The following SSBP4 variants were observed in gnomAD, a reference collection of about 807,000 sequenced individuals.
The protein encoded by SSBP4 is single-stranded DNA-binding protein 4.
A neutral mutation model predicts 64.6 loss-of-function variants in SSBP4; 33 were observed. The ratio of observed to expected loss-of-function variants is 0.51; its 90% CI spans 0.39 to 0.68. The LOEUF (loss-of-function observed/expected upper bound fraction) is 0.68, where lower values mean the gene tolerates loss of function less well. Among genes scored for constraint, SSBP4 ranks in the 30% least tolerant of loss-of-function variants. SSBP4 has a pLI of 0.00. For synonymous variants in SSBP4, 243 were observed against 224.0 expected (o/e 1.08, Z -0.76); for missense variants, 583 against 566.8 (o/e 1.03, Z -0.29).
chr19:18,410,142 C>T, the SSBP4 span, among the ~76,000 whole-genome samples: 7 of 152,302 alleles, frequency 4.6e-5, no homozygotes, highest in African/African-American at 1.4e-4. Flanking sequence ...TACAGGCGCC[C>T]GCCACCACGC....
chr19:18,432,338 C>A, intron 10 of SSBP4, 124 bp downstream of exon 10: 1 of 1,365,484 alleles, frequency 7.3e-7, no homozygotes, highest in South Asian at 1.3e-5. Context: ...TTCATGGCCA[C>A]CGTTGAGGGG....
chr19:18,432,692 G>A lies in SSBP4; in HGVS notation c.751-8G>A, dbSNP rs761206324. The A allele has an allele frequency of 1.8e-5, 28 of 1,569,484 alleles. No individual in the cohort carries two copies. Among genetic ancestry groups the A allele is most frequent in the Non-Finnish European group, 2.4e-5 (28 of 1,153,564 alleles). On this transcript the variant is annotated splice_polypyrimidine_tract_variant and splice_region_variant and intron_variant, in intron 11 of 17. Coordinates refer to ENST00000270061, the MANE Select transcript of SSBP4 (RefSeq NM_032627.5). Reference sequence around the variant, plus strand: ...TGGCTGACTGCTCACAGCTGCCCTTGTCCCCAGATCCCCTACTCCTCCTCA... The same window carrying A: ...TGGCTGACTGCTCACAGCTGCCCTTATCCCCAGATCCCCTACTCCTCCTCA...
chr19:18,421,019 T>C (rs1442547129), intron 1 of SSBP4, among the ~76,000 whole-genome samples: 1 of 151,740 alleles, frequency 6.6e-6, no homozygotes, highest in Admixed American at 6.6e-5. Flanking sequence ...AGGGGTCCCA[T>C]GAGGACCTGC....
At position 18,427,270 on chromosome 19, in the gene SSBP4, C is replaced by T; in HGVS notation, c.60-81C>T. 2 of 1,477,534 alleles carry T rather than the reference C, an allele frequency of 1.4e-6. No individual in the cohort carries two copies. Among genetic ancestry groups the T allele is most frequent in the Non-Finnish European group, 1.8e-6 (2 of 1,081,180 alleles). The allele number at this position is 1,477,534 out of a possible 1,614,324, so 91.5% of individuals were successfully genotyped here. On this transcript the variant is annotated intron_variant, in intron 1 of 17. Coordinates refer to ENST00000270061, the MANE Select transcript of SSBP4 (RefSeq NM_032627.5). The surrounding 1 kb of genome is among the most constrained non-coding windows in gnomAD (Gnocchi z 4.4). ...GGTGGGGAGGCCACCTTTCCACCCG[C>T]CCTCCTGAGAGATGGAGGGGCTTTG...
chr19:18,416,748 C>A (rs1972134354), upstream of SSBP4, among the ~76,000 whole-genome samples: 1 of 152,206 alleles, frequency 6.6e-6, no homozygotes, highest in South Asian at 2.1e-4. Flanking sequence ...ATTCCACTTC[C>A]AGGTCTTTCA....
intron 9 of SSBP4, 27 bp downstream of exon 9, chr19:18,432,097 G>A (rs1295628427): frequency 1.2e-6 from 2 of 1,602,460 alleles, no homozygotes; most frequent in Non-Finnish European, 1.7e-6. Context: ...GGTGGGTGGG[G>A]CCTTCGGGCT....
the SSBP4 span, among the ~76,000 whole-genome samples, chr19:18,403,957 G>A: frequency 1.3e-5 from 2 of 151,976 alleles, no homozygotes; most frequent in Non-Finnish European, 2.9e-5. Context: ...AGCCGTCCCA[G>A]GCTTGAGTCC....
chr19:18,434,045 C>T, intron 17 of SSBP4, 172 bp from the exon 18 acceptor site: 1 of 1,288,294 alleles, frequency 7.8e-7, no homozygotes, highest in Non-Finnish European at 9.8e-7. Flanking sequence ...CCGGGACCCG[C>T]GCCCCAGGGC....
At chr19:18,413,472 C>T in the SSBP4 span, among the ~76,000 whole-genome samples, 122 of 152,238 alleles carry the variant, frequency 8.0e-4, no homozygotes, top group South Asian at 3.7e-3. Context: ...CCTTGGCCTC[C>T]CAAAGTGCTG....
intron 9 of SSBP4, 37 bp from the exon 10 acceptor site, chr19:18,432,109 TC>T: frequency 6.2e-7 from 1 of 1,607,576 alleles, no homozygotes; most frequent in Non-Finnish European, 8.5e-7. Context: ...CTTCGGGCTG[TC>T]CCCGGTCTAC....
upstream of SSBP4, among the ~76,000 whole-genome samples, chr19:18,414,761 CT>C (rs1204110506): frequency 6.6e-6 from 1 of 152,104 alleles, no homozygotes; most frequent in Non-Finnish European, 1.5e-5. Context: ...TCCTGTATCC[CT>C]TCTGTCACCC....
Position 18,431,852 on chromosome 19 carries a change from A to C in SSBP4, c.555A>C (p.Pro185=). The C allele has an allele frequency of 1.9e-6, 3 of 1,572,614 alleles. No individual in the cohort carries two copies. In the South Asian group the frequency reaches 3.5e-5, roughly 18 times the overall value. ...TCCCTGGCGCCATGGAGCCCTCCCC[A>C]CGAGCCCAGGGTGAGTAGGGAAGCT... ...PLLPGAMEPS[P]RAQGHPSMGG... The change falls in exon 8 of 18, where the codon CCA becomes CCC. Residue 185 remains proline, a synonymous_variant. Coordinates refer to ENST00000270061, the MANE Select transcript of SSBP4 (RefSeq NM_032627.5).
upstream of SSBP4, among the ~76,000 whole-genome samples, chr19:18,417,063 C>T (rs576577506): frequency 4.7e-4 from 72 of 152,166 alleles, no homozygotes; most frequent in East Asian, 1.9e-3. The surrounding 1 kb of genome is among the most constrained non-coding windows in gnomAD (Gnocchi z 5.4). Flanking sequence ...CTCAGCCTCC[C>T]TCCCTCCTTC....
chr19:18,404,746 G>C, the SSBP4 span, among the ~76,000 whole-genome samples: 1 of 151,322 alleles, frequency 6.6e-6, no homozygotes, highest in South Asian at 2.1e-4. Flanking sequence ...CAAAAAATTA[G>C]CTGGGCGTGG....
chr19:18,403,547 G>A, the SSBP4 span, among the ~76,000 whole-genome samples: 1 of 152,024 alleles, frequency 6.6e-6, no homozygotes, highest in Admixed American at 6.6e-5. Flanking sequence ...TGGGGTTTGG[G>A]AGTCCTGGGG....
At chr19:18,408,802 A>G in the SSBP4 span, among the ~76,000 whole-genome samples, 3 of 151,350 alleles carry the variant, frequency 2.0e-5, no homozygotes, top group African/African-American at 7.3e-5. Flanking sequence ...AAACCACCAA[A>G]TTAAGACAGT....
At chr19:18,414,289 T>C (rs1207276111), upstream of SSBP4, among the ~76,000 whole-genome samples, 1 of 152,168 alleles carries the variant, frequency 6.6e-6, no homozygotes, top group Non-Finnish European at 1.5e-5. Context: ...CATGACGTCC[T>C]TGGTTCCTTT....
chr19:18,406,310 G>T, the SSBP4 span, among the ~76,000 whole-genome samples: 1 of 150,940 alleles, frequency 6.6e-6, no homozygotes, highest in East Asian at 1.9e-4. Context: ...GCGCCACCAT[G>T]CCCAGCTATT....
intron 4 of SSBP4, among the ~76,000 whole-genome samples, chr19:18,429,668 G>A (rs528085811): frequency 6.6e-6 from 1 of 152,312 alleles, no homozygotes; most frequent in South Asian, 2.1e-4. Context: ...GAGGGGGCGG[G>A]GTGGGGGCCA....
Sources: allele counts gnomAD v4.1 joint callset (sites outside exome capture counted in the v4.1 genomes callset), GRCh38; gene constraint gnomAD v4.1.1; non-coding constraint Gnocchi (gnomAD v3.1); transcripts MANE v1.5; gene names NCBI Gene and HGNC (gene_info 2026-07-23, HGNC 2026-07-21).